GREB1: variants seen among roughly 807,000 people sequenced by gnomAD.
The protein encoded by GREB1 is growth regulating estrogen receptor binding 1, also known as protein GREB1.
Under a neutral mutation model 200.7 loss-of-function variants are expected in GREB1, and 106 were observed. The observed-to-expected ratio is 0.53, with a 90% CI of 0.45 to 0.62. GREB1 has a LOEUF of 0.62. Among genes scored for constraint, GREB1 ranks in the 20% least tolerant of loss-of-function variants. The pLI is 0.00. For synonymous variants in GREB1, 1,132 were observed against 1,092.4 expected (o/e 1.04, Z -0.72); for missense variants, 2,243 against 2,556.8 (o/e 0.88, Z 2.65).
At chr2:11,613,593 T>G (rs1430502665) in intron 19 of GREB1, among the ~76,000 whole-genome samples, 1 of 152,192 alleles carries the variant, frequency 6.6e-6, no homozygotes, top group Non-Finnish European at 1.5e-5. Context: ...TGCTGCATAC[T>G]CATGGGCCAG....
At chr2:11,627,912 G>A (rs1684597155) in intron 25 of GREB1, among the ~76,000 whole-genome samples, 1 of 152,252 alleles carries the variant, frequency 6.6e-6, no homozygotes, top group Admixed American at 6.5e-5. Flanking sequence ...AATTTGCCAA[G>A]GTGCCAAGAA....
chr2:11,571,594 C>T (rs529891529), intron 4 of GREB1, among the ~76,000 whole-genome samples: 3 of 152,236 alleles, frequency 2.0e-5, no homozygotes, highest in African/African-American at 2.4e-5. Context: ...GAACTACTGT[C>T]GTTGCTACCG....
At chr2:11,541,973 AGACT>A in intron 1 of GREB1, among the ~76,000 whole-genome samples, 1 of 152,064 alleles carries the variant, frequency 6.6e-6, no homozygotes, top group East Asian at 1.9e-4. Context: ...AGGCCCGCCA[AGACT>A]GACCTGATAG....
chr2:11,576,540 G>T lies in GREB1; in HGVS notation c.637+5G>T. ...TAATCTGTTGGAAAGGCTCAGGTGA[G>T]CAGGTTGGCTGTGGAGGAGGTATGG... is the stretch of plus-strand genomic sequence containing the variant. On this transcript the variant is annotated splice_donor_5th_base_variant and intron_variant, in intron 5 of 32. Transcript: ENST00000381486. 6.2e-7 allele frequency: 1 copy of T among 1,610,402 alleles called. No individual in the cohort carries two copies. Among genetic ancestry groups the T allele is most frequent in the Non-Finnish European group, 8.5e-7 (1 of 1,178,396 alleles).
chr2:11,522,848 C>T (rs1217138790), intron 1 of GREB1, among the ~76,000 whole-genome samples: 1 of 152,244 alleles, frequency 6.6e-6, no homozygotes, highest in East Asian at 1.9e-4. Flanking sequence ...TTGTTTTCAG[C>T]ACATCTCACC....
intron 3 of GREB1, among the ~76,000 whole-genome samples, chr2:11,564,098 A>G (rs1301787248): frequency 1.3e-5 from 2 of 152,194 alleles, no homozygotes; most frequent in African/African-American, 2.4e-5. Context: ...GCAAAGGCTT[A>G]GTGGGTGAAA....
intron 12 of GREB1, 82 bp from the exon 13 acceptor site, chr2:11,596,029 G>A: frequency 2.9e-6 from 4 of 1,382,200 alleles, no homozygotes. Flanking sequence ...CCTCGGGACA[G>A]TACCTGACAC....
intron 3 of GREB1, among the ~76,000 whole-genome samples, chr2:11,566,112 G>A (rs1446915687): frequency 6.6e-6 from 1 of 152,012 alleles, no homozygotes; most frequent in African/African-American, 2.4e-5. Flanking sequence ...TCTGCCTTAC[G>A]GGTTCAAATG....
At chr2:11,563,555 G>A (rs557425997) in intron 3 of GREB1, among the ~76,000 whole-genome samples, 35 of 152,338 alleles carry the variant, frequency 2.3e-4, no homozygotes, top group Admixed American at 2.1e-3. Context: ...AGTTAGTGGC[G>A]AGAACATCAG....
At chr2:11,609,813 G>A (rs1022667565) in intron 17 of GREB1, among the ~76,000 whole-genome samples, 1 of 152,200 alleles carries the variant, frequency 6.6e-6, no homozygotes, top group African/African-American at 2.4e-5. Flanking sequence ...AACTCACAGG[G>A]TGGCATGGCC....
intron 15 of GREB1, among the ~76,000 whole-genome samples, chr2:11,600,096 C>T (rs746432483): frequency 1.3e-4 from 20 of 152,148 alleles, no homozygotes; most frequent in Non-Finnish European, 1.2e-4. Context: ...CATGAAGGAC[C>T]TCGTAAAGGG....
rs751986895 is a variant in GREB1, at chr2:11,562,583, G to A, written c.277+1G>A. 6 of 1,577,070 alleles carry A rather than the reference G, an allele frequency of 3.8e-6. No homozygotes were observed. Among genetic ancestry groups the A allele is most frequent in the Non-Finnish European group, 5.2e-6 (6 of 1,162,672 alleles). ...CCTGAAGGATGCTGTACCACAGACG[G>A]TGAGCCTCTGCCAGCTCCTGGCCAG... is the stretch of plus-strand genomic sequence containing the variant. On this transcript the variant is annotated splice_donor_variant, in intron 3 of 32. Transcript: ENST00000381486. LOFTEE classifies it high-confidence loss of function.
At chr2:11,622,645 C>A (rs1684102028) in intron 23 of GREB1, among the ~76,000 whole-genome samples, 1 of 152,186 alleles carries the variant, frequency 6.6e-6, no homozygotes, top group Non-Finnish European at 1.5e-5. Context: ...AGCCCCTAGG[C>A]TGGAGCACTC....
chr2:11,530,198 A>G (rs1162626254), upstream of GREB1, among the ~76,000 whole-genome samples: 1 of 151,940 alleles, frequency 6.6e-6, no homozygotes. Flanking sequence ...AGTAGCTGGG[A>G]CTACAGGTGC....
At chr2:11,636,819 C>CAGGGAT (rs1685375672) in intron 30 of GREB1, among the ~76,000 whole-genome samples, 1 of 115,800 alleles carries the variant, frequency 8.6e-6, no homozygotes, top group Non-Finnish European at 2.2e-5. Flanking sequence ...GGGACAGAGG[C>CAGGGAT]AGGGGCAGGG....
Position 11,556,734 on chromosome 2 carries a change from G to A in GREB1, c.120G>A (p.Leu40=). The A allele has an allele frequency of 1.2e-6, 2 of 1,614,122 alleles. No homozygotes were observed. Among genetic ancestry groups the A allele is most frequent in the South Asian group, 1.1e-5 (1 of 91,054 alleles). Residue 40 remains leucine (L), a synonymous_variant, in exon 2 of 33, where the codon CTG becomes CTA. Transcript: ENST00000381486. Reference sequence around the variant, plus strand: ...TGCCCAGGCCCATCTTTTCCCAGCTGTACCTGGAAGCTGAGCAGCAGCTTG... The same window carrying A: ...TGCCCAGGCCCATCTTTTCCCAGCTATACCTGGAAGCTGAGCAGCAGCTTG... ...NLVPRPIFSQ[L]YLEAEQQLAA...
intron 7 of GREB1, among the ~76,000 whole-genome samples, chr2:11,581,696 C>G (rs1462510820): frequency 6.6e-6 from 1 of 152,142 alleles, no homozygotes; most frequent in Non-Finnish European, 1.5e-5. Flanking sequence ...CTCCATCATG[C>G]ACTCAGCTAA....
At chr2:11,554,864 T>G (rs980547422) in intron 1 of GREB1, among the ~76,000 whole-genome samples, 1 of 152,224 alleles carries the variant, frequency 6.6e-6, no homozygotes, top group Non-Finnish European at 1.5e-5. Flanking sequence ...ACAGTCTTGA[T>G]TATAATCTAT....
At chr2:11,559,844 G>T (rs1266898934) in intron 2 of GREB1, among the ~76,000 whole-genome samples, 4 of 152,040 alleles carry the variant, frequency 2.6e-5, no homozygotes, top group Non-Finnish European at 5.9e-5. Context: ...CCCACCTCTG[G>T]GTAATCTCTT....
Sources: allele counts gnomAD v4.1 joint callset (sites outside exome capture counted in the v4.1 genomes callset), GRCh38; gene constraint gnomAD v4.1.1; transcripts MANE v1.5; gene names NCBI Gene and HGNC (gene_info 2026-07-23, HGNC 2026-07-21).